The following SGCD variants were observed in gnomAD, a reference collection of about 807,000 sequenced individuals.
The protein encoded by SGCD is sarcoglycan delta.
SGCD carries 18 observed loss-of-function variants against 36.6 expected under a neutral mutation model. The observed-to-expected ratio is 0.49, with a 90% CI of 0.34 to 0.73. The LOEUF is 0.73. Among genes scored for constraint, SGCD ranks in the 30% least tolerant of loss-of-function variants. The pLI, the probability that SGCD is intolerant of heterozygous loss-of-function variation, is 0.01. For synonymous variants in SGCD, 133 were observed against 130.6 expected (o/e 1.02, Z -0.12); for missense variants, 387 against 346.7 (o/e 1.12, Z -0.92).
intron 3 of SGCD, among the ~76,000 whole-genome samples, chr5:156,400,913 T>C (rs796463964): frequency 6.6e-6 from 1 of 152,250 alleles, no homozygotes; most frequent in South Asian, 2.1e-4. Context: ...TTGGCTCTTA[T>C]GTTTTGAGAT....
intron 4 of SGCD, among the ~76,000 whole-genome samples, chr5:156,554,068 T>C (rs907535964): frequency 1.3e-5 from 2 of 152,096 alleles, no homozygotes; most frequent in East Asian, 1.9e-4. Context: ...CAATAAGACA[T>C]TTTGAGACCA....
At chr5:155,757,445 G>A in the SGCD span, among the ~76,000 whole-genome samples, 2 of 152,164 alleles carry the variant, frequency 1.3e-5, no homozygotes, top group Admixed American at 6.5e-5. Context: ...ATAACTTTCA[G>A]TAGGGCGGGT....
At chr5:156,662,984 A>G (rs1401704934) in intron 7 of SGCD, among the ~76,000 whole-genome samples, 1 of 150,390 alleles carries the variant, frequency 6.6e-6, no homozygotes, top group Non-Finnish European at 1.5e-5. Context: ...AGGATACCCT[A>G]TTCCTTCTCT....
At chr5:156,674,295 C>T (rs1267079276) in intron 7 of SGCD, among the ~76,000 whole-genome samples, 1 of 152,116 alleles carries the variant, frequency 6.6e-6, no homozygotes, top group Non-Finnish European at 1.5e-5. Context: ...ATTCTCTTCC[C>T]CGTTACATAT....
chr5:155,983,482 TAGA>T (rs1390188123), intron 1 of SGCD, among the ~76,000 whole-genome samples: 1 of 152,130 alleles, frequency 6.6e-6, no homozygotes, highest in African/African-American at 2.4e-5. Context: ...GTATTTTTAG[TAGA>T]GATGGGGTTT....
chr5:155,790,787 C>A, the SGCD span, among the ~76,000 whole-genome samples: 1 of 152,062 alleles, frequency 6.6e-6, no homozygotes, highest in East Asian at 1.9e-4. Flanking sequence ...CTCAGGGCAG[C>A]ATTAATCTTA....
At chr5:155,856,204 C>G in the SGCD span, among the ~76,000 whole-genome samples, 1 of 152,098 alleles carries the variant, frequency 6.6e-6, no homozygotes, top group Non-Finnish European at 1.5e-5. Context: ...TATACACGCA[C>G]TATACATTCT....
At chr5:156,560,606 C>T (rs1561778888) in intron 4 of SGCD, among the ~76,000 whole-genome samples, 1 of 152,196 alleles carries the variant, frequency 6.6e-6, no homozygotes, top group Non-Finnish European at 1.5e-5. Context: ...ATGGAATTTA[C>T]AACCCGTTAG....
chr5:156,172,198 C>T (rs776691112), intron 3 of SGCD, among the ~76,000 whole-genome samples: 3 of 152,106 alleles, frequency 2.0e-5, no homozygotes, highest in Non-Finnish European at 2.9e-5. Flanking sequence ...GCAGGAGAAT[C>T]GCTTGAACCC....
At chr5:156,056,764 C>A (rs908043576) in intron 1 of SGCD, among the ~76,000 whole-genome samples, 1 of 144,828 alleles carries the variant, frequency 6.9e-6, no homozygotes, top group Admixed American at 7.0e-5. Context: ...TATTGCAATT[C>A]TCCTGTCTTG....
intron 3 of SGCD, among the ~76,000 whole-genome samples, chr5:156,241,234 T>C (rs1289831977): frequency 6.7e-6 from 1 of 149,480 alleles, no homozygotes; most frequent in African/African-American, 2.5e-5. Flanking sequence ...TAACTGGCCT[T>C]GGAAATTAGA....
intron 7 of SGCD, among the ~76,000 whole-genome samples, chr5:156,656,161 T>A (rs1177942984): frequency 6.6e-6 from 1 of 152,182 alleles, no homozygotes; most frequent in Non-Finnish European, 1.5e-5. Flanking sequence ...ATTCTTCATG[T>A]TCACAGTCAG....
At chr5:156,512,579 G>C (rs1366807192) in intron 4 of SGCD, among the ~76,000 whole-genome samples, 1 of 152,150 alleles carries the variant, frequency 6.6e-6, no homozygotes, top group Non-Finnish European at 1.5e-5. Flanking sequence ...AGTAATGCAT[G>C]CCTATATTGT....
chr5:156,216,406 G>A (rs1281438669), intron 3 of SGCD, among the ~76,000 whole-genome samples: 1 of 152,140 alleles, frequency 6.6e-6, no homozygotes, highest in Non-Finnish European at 1.5e-5. Flanking sequence ...ACATATTTCA[G>A]AACATCATGC....
intron 3 of SGCD, among the ~76,000 whole-genome samples, chr5:156,367,448 T>C (rs1770162855): frequency 6.6e-6 from 1 of 152,234 alleles, no homozygotes; most frequent in Non-Finnish European, 1.5e-5. Context: ...AAATTGTTAT[T>C]CAAAAATAAT....
At chr5:156,017,784 A>G (rs1456201498) in intron 1 of SGCD, among the ~76,000 whole-genome samples, 6 of 152,132 alleles carry the variant, frequency 3.9e-5, no homozygotes, top group Admixed American at 1.3e-4. Flanking sequence ...TGCATTAGCA[A>G]TTATATAATT....
At chr5:156,334,236 C>A (rs1768212956) in intron 2 of SGCD, among the ~76,000 whole-genome samples, 1 of 152,136 alleles carries the variant, frequency 6.6e-6, no homozygotes, top group Non-Finnish European at 1.5e-5. Flanking sequence ...AAGCACCGAT[C>A]TTGTACAACA....
intron 3 of SGCD, among the ~76,000 whole-genome samples, chr5:156,243,620 A>G (rs1765360320): frequency 6.6e-6 from 1 of 152,244 alleles, no homozygotes; most frequent in Non-Finnish European, 1.5e-5. Flanking sequence ...AGTGACATCC[A>G]ATAGCATGTA....
At chr5:156,693,545 G>C (rs1754194944) in intron 7 of SGCD, among the ~76,000 whole-genome samples, 1 of 152,124 alleles carries the variant, frequency 6.6e-6, no homozygotes, top group Non-Finnish European at 1.5e-5. Flanking sequence ...AGGAATATTA[G>C]GGTGCAGATA....
Sources: gnomAD v4.1 joint callset for allele counts (sites outside exome capture counted in the v4.1 genomes callset) on GRCh38, gnomAD v4.1.1 for gene constraint, MANE v1.5 for transcripts, NCBI Gene and HGNC (gene_info 2026-07-23, HGNC 2026-07-21) for gene names.